Variants in PTPRG observed in about 807,000 individuals in gnomAD.
PTPRG encodes the protein protein tyrosine phosphatase receptor type G.
Under a neutral mutation model 165.3 loss-of-function variants are expected in PTPRG, and 102 were observed. The ratio of observed to expected loss-of-function variants is 0.62; its 90% CI spans 0.53 to 0.73. The LOEUF (loss-of-function observed/expected upper bound fraction) is 0.73, where lower values mean the gene tolerates loss of function less well. PTPRG is among the 30% of genes least tolerant of loss of function. PTPRG has a pLI of 0.00. For missense variants in PTPRG, 1,866 were observed against 1,861.4 expected (o/e 1.00, Z -0.05); for synonymous variants, 675 against 669.5 (o/e 1.01, Z -0.13).
chr3:61,573,004 C>T (rs1368430260), intron 1 of PTPRG, among the ~76,000 whole-genome samples: 1 of 152,212 alleles, frequency 6.6e-6, no homozygotes, highest in African/African-American at 2.4e-5. Flanking sequence ...TGGCTGATGA[C>T]ATGACTTCTT....
At chr3:62,005,252 A>G (rs1309729674) in intron 4 of PTPRG, among the ~76,000 whole-genome samples, 6 of 152,140 alleles carry the variant, frequency 3.9e-5, no homozygotes, top group Admixed American at 2.0e-4. Context: ...TTGGGTTTCT[A>G]CTTAATTGGT....
At chr3:62,007,898 T>C (rs1286846081) in intron 4 of PTPRG, among the ~76,000 whole-genome samples, 2 of 152,222 alleles carry the variant, frequency 1.3e-5, no homozygotes, top group Non-Finnish European at 2.9e-5. Flanking sequence ...CAAGATAATG[T>C]CTCTTCTTCC....
chr3:62,049,173 A>G (rs1242320945), intron 4 of PTPRG, among the ~76,000 whole-genome samples: 1 of 152,002 alleles, frequency 6.6e-6, no homozygotes, highest in African/African-American at 2.4e-5. Context: ...CCTCTTTTGT[A>G]TCCTTCAGCT....
At chr3:61,815,224 C>T (rs2035718882) in intron 2 of PTPRG, among the ~76,000 whole-genome samples, 1 of 144,230 alleles carries the variant, frequency 6.9e-6, no homozygotes, top group African/African-American at 2.7e-5. Context: ...TGGCGAAACC[C>T]TGTCTCTACT....
chr3:62,160,080 C>G (rs772327931), intron 7 of PTPRG, among the ~76,000 whole-genome samples: 2 of 152,206 alleles, frequency 1.3e-5, no homozygotes, highest in African/African-American at 4.8e-5. Flanking sequence ...GAAAACATTC[C>G]TAGTCTCTCG....
intron 1 of PTPRG, among the ~76,000 whole-genome samples, chr3:61,710,340 C>T (rs903299252): frequency 1.3e-5 from 2 of 152,090 alleles, no homozygotes; most frequent in African/African-American, 4.8e-5. Flanking sequence ...CACTATGTGC[C>T]AGGCTTTGTG....
intron 3 of PTPRG, among the ~76,000 whole-genome samples, chr3:61,995,344 C>A (rs2041004857): frequency 6.6e-6 from 1 of 152,092 alleles, no homozygotes; most frequent in African/African-American, 2.4e-5. Context: ...CCCACCTCGG[C>A]CACCCAAAGT....
At chr3:61,625,898 C>T (rs1444305175) in intron 1 of PTPRG, among the ~76,000 whole-genome samples, 1 of 152,172 alleles carries the variant, frequency 6.6e-6, no homozygotes, top group Non-Finnish European at 1.5e-5. Flanking sequence ...GTTCCTACAG[C>T]TGCTTTCCTT....
intron 5 of PTPRG, among the ~76,000 whole-genome samples, chr3:62,128,450 A>G (rs1703395557): frequency 6.6e-6 from 1 of 152,100 alleles, no homozygotes; most frequent in African/African-American, 2.4e-5. Flanking sequence ...TCAGGGAGAT[A>G]TTACTTTCAG....
intron 6 of PTPRG, among the ~76,000 whole-genome samples, chr3:62,143,357 A>G (rs1414368146): frequency 1.3e-5 from 2 of 152,154 alleles, no homozygotes; most frequent in Non-Finnish European, 1.5e-5. Flanking sequence ...CAGAAATGTC[A>G]TTATAATCCA....
At chr3:62,221,305 G>A (rs1186120361) in intron 13 of PTPRG, among the ~76,000 whole-genome samples, 6 of 152,122 alleles carry the variant, frequency 3.9e-5, no homozygotes, top group Non-Finnish European at 7.3e-5. Context: ...ATCCAACAGA[G>A]TCTGGACTTG....
chr3:61,571,142 G>C (rs181611771), intron 1 of PTPRG, among the ~76,000 whole-genome samples: 87 of 152,276 alleles, frequency 5.7e-4, no homozygotes, highest in African/African-American at 1.9e-3. Flanking sequence ...CCCCGTGCTT[G>C]AGCATTTTAT....
chr3:61,792,876 G>C (rs952346413), intron 2 of PTPRG, among the ~76,000 whole-genome samples: 6 of 151,904 alleles, frequency 3.9e-5, no homozygotes, highest in African/African-American at 1.5e-4. Flanking sequence ...CTACAGGCAC[G>C]TGCCACCACG....
intron 4 of PTPRG, among the ~76,000 whole-genome samples, chr3:62,025,296 G>A (rs1394667629): frequency 2.6e-5 from 4 of 152,154 alleles, no homozygotes; most frequent in Non-Finnish European, 5.9e-5. Flanking sequence ...TGTTACTATG[G>A]GGAATTTTGC....
chr3:61,895,120 C>A (rs2038318750), intron 2 of PTPRG, among the ~76,000 whole-genome samples: 1 of 152,146 alleles, frequency 6.6e-6, no homozygotes, highest in South Asian at 2.1e-4. Flanking sequence ...AAGAAGACAG[C>A]AGTAAATTAT....
At chr3:61,921,000 T>C (rs2039063892) in intron 2 of PTPRG, among the ~76,000 whole-genome samples, 1 of 152,198 alleles carries the variant, frequency 6.6e-6, no homozygotes, top group African/African-American at 2.4e-5. Context: ...AAATCTTGGC[T>C]TATAATAGTT....
At chr3:62,011,932 A>C (rs1357429663) in intron 4 of PTPRG, among the ~76,000 whole-genome samples, 1 of 152,214 alleles carries the variant, frequency 6.6e-6, no homozygotes, top group African/African-American at 2.4e-5. Context: ...CAAAAACTAC[A>C]GTAAAGAAGA....
At chr3:61,939,720 T>G (rs549742660) in intron 2 of PTPRG, among the ~76,000 whole-genome samples, 7 of 152,264 alleles carry the variant, frequency 4.6e-5, no homozygotes, top group African/African-American at 1.7e-4. Flanking sequence ...AAGTAATCAT[T>G]TATTTTGCAA....
At chr3:62,052,095 T>C (rs1414764381) in intron 4 of PTPRG, among the ~76,000 whole-genome samples, 2 of 152,188 alleles carry the variant, frequency 1.3e-5, no homozygotes, top group Non-Finnish European at 2.9e-5. Flanking sequence ...GACAGTTTGG[T>C]CTATGCTTTT....
Sources: allele counts gnomAD v4.1 joint callset (sites outside exome capture counted in the v4.1 genomes callset), GRCh38; gene constraint gnomAD v4.1.1; transcripts MANE v1.5; gene names NCBI Gene and HGNC (gene_info 2026-07-23, HGNC 2026-07-21).